Variants in ZCCHC10 observed in about 807,000 individuals in gnomAD.
ZCCHC10 encodes zinc finger CCHC domain-containing protein 10.
Under a neutral mutation model 19.5 loss-of-function variants are expected in ZCCHC10, and 16 were observed. The ratio of observed to expected loss-of-function variants is 0.82; its 90% CI spans 0.56 to 1.25. ZCCHC10 has a LOEUF of 1.25. Among genes scored for constraint, ZCCHC10 ranks in the 50% most tolerant of loss-of-function variants. The pLI, the probability that ZCCHC10 is intolerant of heterozygous loss-of-function variation, is 0.00. For synonymous variants in ZCCHC10, 67 were observed against 72.5 expected, an observed-to-expected ratio of 0.92 and a Z score of 0.38; for missense variants, 197 against 201.0, an observed-to-expected ratio of 0.98 and a Z score of 0.12.
chr5:133,010,164 T>A (rs1161529472), intron 2 of ZCCHC10, among the ~76,000 whole-genome samples: 1 of 151,634 alleles, frequency 6.6e-6, no homozygotes, highest in Non-Finnish European at 1.5e-5. Flanking sequence ...TTTTCCTGCC[T>A]CAGCTTCGGG....
intron 2 of ZCCHC10, among the ~76,000 whole-genome samples, chr5:133,021,153 C>G (rs773907051): frequency 6.6e-6 from 1 of 152,158 alleles, no homozygotes; most frequent in Non-Finnish European, 1.5e-5. Flanking sequence ...GCCTCGGCCT[C>G]CCAAAGTGCT....
At chr5:133,009,316 T>TA (rs201408825) in intron 2 of ZCCHC10, among the ~76,000 whole-genome samples, 3,065 of 151,042 alleles carry the variant, frequency 0.02, 87 homozygotes, top group African/African-American at 0.061. Flanking sequence ...TTCTGTCTCT[T>TA]AAAAAAAACC....
intron 2 of ZCCHC10, among the ~76,000 whole-genome samples, chr5:133,015,594 C>T (rs1460778356): frequency 6.6e-6 from 1 of 152,118 alleles, no homozygotes; most frequent in East Asian, 1.9e-4. Context: ...CACAATGACC[C>T]ATGTGGCAAG....
At chr5:133,009,756 C>CT (rs1176931929) in intron 2 of ZCCHC10, among the ~76,000 whole-genome samples, 3 of 151,886 alleles carry the variant, frequency 2.0e-5, no homozygotes, top group African/African-American at 7.3e-5. Context: ...GAGATAAACT[C>CT]TGTGTCAGAG....
At chr5:133,001,745 C>T (rs946219663) in intron 3 of ZCCHC10, among the ~76,000 whole-genome samples, 2 of 151,998 alleles carry the variant, frequency 1.3e-5, no homozygotes, top group Non-Finnish European at 2.9e-5. Context: ...GTGTGAGCCA[C>T]CACACATGGC....
intron 2 of ZCCHC10, among the ~76,000 whole-genome samples, chr5:133,012,136 C>CAAAA (rs1172354725): frequency 2.0e-4 from 15 of 74,744 alleles, no homozygotes; most frequent in East Asian, 3.5e-4. Context: ...GCCTCCATCT[C>CAAAA]AAAAAAAAAA....
chr5:133,021,058 G>A (rs1405214939), intron 2 of ZCCHC10, among the ~76,000 whole-genome samples: 2 of 151,750 alleles, frequency 1.3e-5, no homozygotes, highest in Non-Finnish European at 2.9e-5. Flanking sequence ...CACCATGCCC[G>A]GCTAATTTTT....
chr5:133,022,484 T>G (rs1325853445), intron 2 of ZCCHC10, among the ~76,000 whole-genome samples: 1 of 151,336 alleles, frequency 6.6e-6, no homozygotes. Flanking sequence ...AGACAGACTC[T>G]CGGTCTGTCG....
In ZCCHC10 at chr5:133,000,174, C is replaced by T; in HGVS notation, c.270-1G>A. On this transcript the variant is annotated splice_acceptor_variant, in intron 3 of 4. Transcript: ENST00000509437. LOFTEE classifies it high-confidence loss of function. ...TCTTTCTACATTGGTTTCTCCAATG[C>T]TGATAAACACGAGGGGGAAAAAAGC... The T allele has an allele frequency of 6.2e-7, 1 of 1,613,922 alleles. No individual in the cohort carries two copies. The highest frequency in any genetic ancestry group is 8.5e-7 in the Non-Finnish European group (1 of 1,179,954).
chr5:133,023,771 C>CCA (rs1561560596), intron 1 of ZCCHC10, among the ~76,000 whole-genome samples: 1 of 144,774 alleles, frequency 6.9e-6, no homozygotes, highest in African/African-American at 2.5e-5. Context: ...AACTCCATCT[C>CCA]AAAAAAAAAA....
intron 3 of ZCCHC10, among the ~76,000 whole-genome samples, chr5:133,004,691 T>C (rs1762996337): frequency 6.6e-6 from 1 of 151,210 alleles, no homozygotes; most frequent in South Asian, 2.1e-4. Context: ...AGGGTTTCAC[T>C]GTGTTAGCCA....
At chr5:133,008,581 C>G (rs1444938012) in intron 2 of ZCCHC10, among the ~76,000 whole-genome samples, 4 of 151,078 alleles carry the variant, frequency 2.6e-5, no homozygotes, top group Non-Finnish European at 5.9e-5. Context: ...GGGGGTCAAG[C>G]TGACCAGCTG....
chr5:133,003,150 G>A (rs1216204735), intron 3 of ZCCHC10: 6 of 328,006 alleles, frequency 1.8e-5, no homozygotes, highest in Non-Finnish European at 3.6e-5. Context: ...AGGCCAAGAA[G>A]CATGCGAAGT....
At chr5:133,020,644 CTA>C (rs1764243616) in intron 2 of ZCCHC10, among the ~76,000 whole-genome samples, 1 of 146,208 alleles carries the variant, frequency 6.8e-6, no homozygotes, top group African/African-American at 2.5e-5. Flanking sequence ...AAAAAAAGAG[CTA>C]TTAGAACTAA....
rs1275642762 is a variant in ZCCHC10, at chr5:133,012,948, G to A, written c.108-6028C>T. 3.3e-5 allele frequency among the ~76,000 whole-genome samples: 5 copies of A among 151,730 alleles called. No homozygotes were observed. The East Asian group carries it at 9.7e-4, about 29-fold the overall frequency. On this transcript the variant is annotated intron_variant, in intron 2 of 4. Transcript: ENST00000509437. The stretch of plus-strand genomic sequence containing the variant: ...TGCCTGTAGTCCCAGCTACTCAGGA[G>A]GCTGAGGCAGGAGAATGGCGTGAAC...
intron 1 of ZCCHC10, among the ~76,000 whole-genome samples, chr5:133,026,023 C>CT (rs1764679001): frequency 6.6e-6 from 1 of 152,088 alleles, no homozygotes; most frequent in Non-Finnish European, 1.5e-5. Flanking sequence ...GTAAGATAGC[C>CT]TGGGAAAGCA....
Position 132,998,813 on chromosome 5 carries a change from C to CACTGCT in ZCCHC10, c.343_348dup (p.Ser115_Ser116dup). The CACTGCT allele has an allele frequency of 6.2e-7, 1 of 1,614,160 alleles. No individual in the cohort carries two copies. The highest frequency in any genetic ancestry group is 8.5e-7 in the Non-Finnish European group (1 of 1,180,034). On this transcript the variant is annotated inframe_insertion, in exon 5 of 5. Coordinates refer to ENST00000509437, the MANE Select transcript of ZCCHC10 (RefSeq NM_001300816.3). Reference sequence around the variant, plus strand: ...GATGAAGAATCACTGGCAGAACTGTCACTGCTACTGCTACTGGAACTGGTT... The same window carrying CACTGCT: ...GATGAAGAATCACTGGCAGAACTGTCACTGCTACTGCTACTGCTACTGGAACTGGTT...
intron 2 of ZCCHC10, among the ~76,000 whole-genome samples, chr5:133,019,843 T>C (rs1471163555): frequency 6.6e-6 from 1 of 151,340 alleles, no homozygotes; most frequent in Admixed American, 6.6e-5. Context: ...TCCTAGCTAC[T>C]TGGGAGGCTG....
intron 2 of ZCCHC10, among the ~76,000 whole-genome samples, chr5:133,022,512 G>GGCGA (rs1354476291): frequency 6.6e-6 from 1 of 151,156 alleles, no homozygotes; most frequent in Non-Finnish European, 1.5e-5. Context: ...GGACTGCAGT[G>GGCGA]GCGAGATCTC....
Sources: gnomAD v4.1 joint callset for allele counts (sites outside exome capture counted in the v4.1 genomes callset) on GRCh38, gnomAD v4.1.1 for gene constraint, MANE v1.5 for transcripts, NCBI Gene and HGNC (gene_info 2026-07-23, HGNC 2026-07-21) for gene names.